CEP128: variants seen among roughly 807,000 people sequenced by gnomAD.
The protein encoded by CEP128 is centrosomal protein 128kDa.
A neutral mutation model predicts 156.7 loss-of-function variants in CEP128; 132 were observed. The observed-to-expected ratio is 0.84, with a 90% CI of 0.73 to 0.97. The LOEUF is 0.97. Among genes scored for constraint, CEP128 ranks in the 50% least tolerant of loss-of-function variants. The probability of loss-of-function intolerance (pLI) is 0.00; values close to 1 mark genes in which losing one functional copy is unlikely to be tolerated. For synonymous variants in CEP128, 469 were observed against 448.9 expected, an observed-to-expected ratio of 1.04 and a Z score of -0.57; for missense variants, 1,252 against 1,281.9, an observed-to-expected ratio of 0.98 and a Z score of 0.36.
chr14:80,799,855 C>A (rs1883733487), intron 13 of CEP128, among the ~76,000 whole-genome samples: 1 of 152,170 alleles, frequency 6.6e-6, no homozygotes, highest in Non-Finnish European at 1.5e-5. Flanking sequence ...ACAATAAGTG[C>A]ACCGCTGAAC....
intron 13 of CEP128, among the ~76,000 whole-genome samples, chr14:80,797,628 A>T (rs1883567035): frequency 6.6e-6 from 1 of 152,160 alleles, no homozygotes; most frequent in Admixed American, 6.5e-5. Context: ...ACCAATCAGA[A>T]AAATCTAACT....
chr14:80,512,025 TGAG>T (rs1393833069), intron 23 of CEP128, among the ~76,000 whole-genome samples: 10 of 152,100 alleles, frequency 6.6e-5, no homozygotes, highest in Non-Finnish European at 4.4e-5. Context: ...ATCCATGTGC[TGAG>T]GAGAAGAATG....
At chr14:80,727,434 A>G (rs111913521) in intron 19 of CEP128, among the ~76,000 whole-genome samples, 18 of 152,180 alleles carry the variant, frequency 1.2e-4, no homozygotes, top group African/African-American at 4.1e-4. Flanking sequence ...TTTTGCCAGA[A>G]AATATGAAAC....
At chr14:80,927,426 G>A (rs1285945665) in intron 2 of CEP128, among the ~76,000 whole-genome samples, 1 of 152,154 alleles carries the variant, frequency 6.6e-6, no homozygotes, top group African/African-American at 2.4e-5. Flanking sequence ...GCATGGCATG[G>A]GTGCATCTGT....
chr14:80,487,614 A>G (rs546082533), downstream of CEP128, among the ~76,000 whole-genome samples: 1 of 152,208 alleles, frequency 6.6e-6, no homozygotes, highest in Non-Finnish European at 1.5e-5. Context: ...AAAATTGACC[A>G]CATAGTTGGA....
At chr14:80,729,841 A>C (rs1369393074) in intron 19 of CEP128, among the ~76,000 whole-genome samples, 1 of 152,192 alleles carries the variant, frequency 6.6e-6, no homozygotes, top group African/African-American at 2.4e-5. Context: ...CATTATGATA[A>C]ACACATTTGG....
At chr14:80,798,605 T>C (rs906308917) in intron 13 of CEP128, among the ~76,000 whole-genome samples, 6 of 152,246 alleles carry the variant, frequency 3.9e-5, no homozygotes, top group African/African-American at 1.2e-4. Flanking sequence ...TTTTGTAGTC[T>C]AGACACAGTG....
intron 23 of CEP128, among the ~76,000 whole-genome samples, chr14:80,509,829 A>G (rs1888161968): frequency 6.6e-6 from 1 of 152,052 alleles, no homozygotes; most frequent in South Asian, 2.1e-4. Context: ...TTCTAGTTTC[A>G]TTTTTCTGCA....
At chr14:80,774,548 C>T (rs1373286323) in intron 16 of CEP128, among the ~76,000 whole-genome samples, 1 of 151,932 alleles carries the variant, frequency 6.6e-6, no homozygotes, top group Non-Finnish European at 1.5e-5. Flanking sequence ...TTTTATCTGC[C>T]CCAGACTGGC....
At chr14:80,877,422 A>G (rs2556606) in intron 8 of CEP128, among the ~76,000 whole-genome samples, 74,925 of 152,048 alleles carry the variant, frequency 0.49, 18,978 homozygotes, top group African/African-American at 0.57. Context: ...AGCATGAAAG[A>G]TATCAAATTC....
At chr14:80,754,788 G>C (rs1410464473) in intron 18 of CEP128, among the ~76,000 whole-genome samples, 2 of 152,094 alleles carry the variant, frequency 1.3e-5, no homozygotes, top group Non-Finnish European at 2.9e-5. Context: ...TATGCCCACA[G>C]CATGTAACAG....
intron 19 of CEP128, among the ~76,000 whole-genome samples, chr14:80,740,443 T>TACACACACACAC (rs1405167819): frequency 6.3e-5 from 6 of 95,488 alleles, no homozygotes; most frequent in Non-Finnish European, 1.4e-4. Flanking sequence ...AAAATGTATA[T>TACACACACACAC]ACACATACAC....
chr14:80,952,731 T>C (rs1227462047), intron 2 of CEP128, among the ~76,000 whole-genome samples: 2 of 151,990 alleles, frequency 1.3e-5, no homozygotes, highest in South Asian at 2.1e-4. Context: ...TCTTTGAGAA[T>C]ATGAATAAAA....
chr14:80,857,697 T>TGC (rs982130319), intron 9 of CEP128, among the ~76,000 whole-genome samples: 4 of 149,878 alleles, frequency 2.7e-5, no homozygotes, highest in African/African-American at 9.8e-5. Context: ...GCCGAGATCA[T>TGC]GCTGCTGCAC....
chr14:80,571,762 A>C (rs1317485735), intron 20 of CEP128, among the ~76,000 whole-genome samples: 1 of 152,082 alleles, frequency 6.6e-6, no homozygotes, highest in African/African-American at 2.4e-5. Flanking sequence ...AAATGGAAGA[A>C]ATTGAAAGAA....
At chr14:80,702,996 G>A (rs946686967) in intron 19 of CEP128, among the ~76,000 whole-genome samples, 25 of 152,204 alleles carry the variant, frequency 1.6e-4, no homozygotes, top group Middle Eastern at 3.4e-3. Context: ...ATGTACGTAT[G>A]TATTTAAACT....
At chr14:80,625,574 T>G (rs1893678027) in intron 19 of CEP128, among the ~76,000 whole-genome samples, 1 of 152,156 alleles carries the variant, frequency 6.6e-6, no homozygotes, top group Non-Finnish European at 1.5e-5. Flanking sequence ...TATCAATTCT[T>G]GCAATCCATG....
chr14:80,566,304 A>C (rs2140395057), intron 20 of CEP128, among the ~76,000 whole-genome samples: 1 of 152,294 alleles, frequency 6.6e-6, no homozygotes, highest in Non-Finnish European at 1.5e-5. Flanking sequence ...TCTCCTCAGC[A>C]TTTCCCCATG....
intron 19 of CEP128, among the ~76,000 whole-genome samples, chr14:80,692,214 AGAGTTGGTGGAGT>A (rs1896743038): frequency 6.6e-6 from 1 of 152,222 alleles, no homozygotes; most frequent in African/African-American, 2.4e-5. Flanking sequence ...AATATTTATA[AGAGTTGGTGGAGT>A]GAGCAAAGCA....
Sources: gnomAD v4.1 joint callset for allele counts (sites outside exome capture counted in the v4.1 genomes callset) on GRCh38, gnomAD v4.1.1 for gene constraint, MANE v1.5 for transcripts, NCBI Gene and HGNC (gene_info 2026-07-23, HGNC 2026-07-21) for gene names.